Variants in DSCAML1 observed in about 807,000 individuals in gnomAD.
DSCAML1 encodes DS cell adhesion molecule like 1, also known as cell adhesion molecule DSCAML1.
Under a neutral mutation model 200.5 loss-of-function variants are expected in DSCAML1, and 38 were observed. The observed-to-expected ratio is 0.19, with a 90% confidence interval of 0.15 to 0.25. The LOEUF (loss-of-function observed/expected upper bound fraction) is 0.25. DSCAML1 is among the 10% of genes least tolerant of loss of function. The pLI is 1.00. For synonymous variants in DSCAML1, 1,215 were observed against 1,165.0 expected (o/e 1.04, Z -0.87); for missense variants, 2,223 against 2,858.8 (o/e 0.78, Z 5.07).
intron 8 of DSCAML1, among the ~76,000 whole-genome samples, chr11:117,508,265 C>T (rs1404799422): frequency 6.6e-6 from 1 of 152,172 alleles, no homozygotes; most frequent in African/African-American, 2.4e-5. Flanking sequence ...CTTCCTTCCA[C>T]ACAGCCCTGA....
chr11:117,471,139 T>TA (rs1565713738), intron 15 of DSCAML1, among the ~76,000 whole-genome samples: 1 of 152,172 alleles, frequency 6.6e-6, no homozygotes, highest in Non-Finnish European at 1.5e-5. Context: ...TGCTTGTTTA[T>TA]AAAACTGCAC....
chr11:117,587,469 T>A (rs954623421), intron 3 of DSCAML1, among the ~76,000 whole-genome samples: 5 of 152,068 alleles, frequency 3.3e-5, no homozygotes, highest in Admixed American at 6.5e-5. Flanking sequence ...GTGTTCTCTG[T>A]CATCCTGGTC....
intron 8 of DSCAML1, among the ~76,000 whole-genome samples, chr11:117,515,268 G>C (rs1489408695): frequency 6.6e-6 from 1 of 152,150 alleles, no homozygotes. Context: ...GGCTGACTCA[G>C]TACCCAACCC....
chr11:117,592,394 C>CGT (rs1263725738), intron 3 of DSCAML1, among the ~76,000 whole-genome samples: 1 of 151,958 alleles, frequency 6.6e-6, no homozygotes, highest in South Asian at 2.1e-4. Context: ...CATCTGTGTC[C>CGT]GTGTGTGTGT....
chr11:117,458,812 G>A lies in DSCAML1; in HGVS notation c.3510C>T (p.Tyr1170=), dbSNP rs1327427759. The A allele has an allele frequency of 4.3e-6, 7 of 1,613,950 alleles. No individual in the cohort carries two copies. Among genetic ancestry groups the A allele is most frequent in the Middle Eastern group, 1.6e-4 (1 of 6,084 alleles). ...FTNYSVQVLA[Y]TQAGDGVRSS... is the part of the protein sequence containing the mutation. The stretch of plus-strand genomic sequence containing the variant: ...TGCGTACGCCGTCCCCAGCCTGGGT[G>A]TAGGCCAGCACCTGGACGCTGTAGT... Residue 1170 remains tyrosine (Y), a synonymous_variant, in exon 19 of 33, where the codon TAC becomes TAT. Coordinates refer to ENST00000651296, the MANE Select transcript of DSCAML1 (RefSeq NM_020693.4).
chr11:117,812,411 G>T, intron 1 of DSCAML1, among the ~76,000 whole-genome samples: 1 of 151,966 alleles, frequency 6.6e-6, no homozygotes, highest in African/African-American at 2.4e-5. Flanking sequence ...CAGGATCTAT[G>T]CCTTATCAAC....
intron 3 of DSCAML1, among the ~76,000 whole-genome samples, chr11:117,619,764 C>T (rs1016050185): frequency 1.3e-5 from 2 of 152,130 alleles, no homozygotes; most frequent in African/African-American, 2.4e-5. Flanking sequence ...ATAGATACAT[C>T]TTTCTATGCT....
At position 117,458,908 on chromosome 11, in the gene DSCAML1, C is replaced by T. The variant is rs1178035458; in HGVS notation, c.3414G>A (p.Glu1138=). The part of the protein sequence containing the change: ...VIFWSLYVDG[E]WGEMQNITTT... ...TGGTGATGTTCTGCATCTCGCCCCA[C>T]TCTGCCAGAGACCAGCAAACTCTGA... is the stretch of plus-strand genomic sequence containing the variant. The change falls in exon 19 of 33, where the codon GAG becomes GAA. Residue 1138 remains glutamate (E), a splice_region_variant and synonymous_variant. Coordinates refer to ENST00000651296, the MANE Select transcript of DSCAML1 (RefSeq NM_020693.4). 6.2e-7 allele frequency: 1 copy of T among 1,613,048 alleles called. No individual in the cohort carries two copies. Among genetic ancestry groups the T allele is most frequent in the South Asian group, 1.1e-5 (1 of 91,000 alleles).
intron 3 of DSCAML1, among the ~76,000 whole-genome samples, chr11:117,633,570 T>C (rs2052218404): frequency 6.6e-6 from 1 of 152,226 alleles, no homozygotes; most frequent in Non-Finnish European, 1.5e-5. Context: ...GATACTGACA[T>C]TGCAATACCA....
chr11:117,769,501 A>T (rs749870944), intron 3 of DSCAML1, among the ~76,000 whole-genome samples: 628 of 5,622 alleles, frequency 0.11, 51 homozygotes, highest in East Asian at 0.42. Flanking sequence ...TATATATATA[A>T]TATATATTTT....
chr11:117,706,318 C>T (rs1206874564), intron 3 of DSCAML1, among the ~76,000 whole-genome samples: 4 of 152,158 alleles, frequency 2.6e-5, no homozygotes, highest in African/African-American at 7.2e-5. Context: ...TGTTTCCAAT[C>T]GGCCTCTCCT....
At chr11:117,428,846 C>T (rs1592555416) in intron 32 of DSCAML1, 43 bp from the exon 33 acceptor site, 1 of 1,525,770 alleles carries the variant, frequency 6.6e-7, no homozygotes, top group East Asian at 2.4e-5. Context: ...AGTCATAGCC[C>T]TCTGGAAGCA....
intron 1 of DSCAML1, among the ~76,000 whole-genome samples, chr11:117,792,189 T>C (rs2055479551): frequency 6.6e-6 from 1 of 152,188 alleles, no homozygotes; most frequent in Admixed American, 6.5e-5. Context: ...TAGGCCTCCA[T>C]ACCACATCTC....
rs548453276 is a variant in DSCAML1 at position 117,571,422 on chromosome 11, C to T, written c.512-38900G>A. ...CGTGGACTGAGTGAGTGAGGGGCCA[C>T]GCTGGAAGGAGGAGCCCACTCTCTG... On this transcript the variant is annotated intron_variant, in intron 3 of 32. Transcript: ENST00000651296. 2.3e-4 allele frequency among the ~76,000 whole-genome samples: 35 copies of T among 152,248 alleles called. No individual in the cohort carries two copies. The South Asian group carries it at 3.7e-3, about 16-fold the overall frequency.
chr11:117,535,695 C>T (rs1789735346), intron 3 of DSCAML1, among the ~76,000 whole-genome samples: 1 of 152,162 alleles, frequency 6.6e-6, no homozygotes, highest in Non-Finnish European at 1.5e-5. Flanking sequence ...GAATGCAGAA[C>T]TACTGGAGGG....
In DSCAML1 at chr11:117,437,498, G is replaced by C; in HGVS notation, c.4433-89C>G. 2.7e-6 allele frequency: 4 copies of C among 1,476,820 alleles called. No individual in the cohort carries two copies. Among genetic ancestry groups the C allele is most frequent in the Non-Finnish European group, 3.7e-6 (4 of 1,087,956 alleles). The allele number at this position is 1,476,820 out of a possible 1,614,324, so 91.5% of individuals were successfully genotyped here. ...CTGGGCTGGAAAGGATTTCCCTGGG[G>C]CAGCTGGGATGGCAGTGGCTCCAGG... is the stretch of plus-strand genomic sequence containing the variant. On this transcript the variant is annotated intron_variant, in intron 25 of 32. Transcript: ENST00000651296. This position sits in a 1 kb window ranked among gnomAD's most constrained non-coding sequence, Gnocchi z 5.3.
At chr11:117,540,306 T>G (rs1270874095) in intron 3 of DSCAML1, among the ~76,000 whole-genome samples, 2 of 152,176 alleles carry the variant, frequency 1.3e-5, no homozygotes, top group East Asian at 3.9e-4. Flanking sequence ...CGAACCCTAT[T>G]GTGAACTGTG....
chr11:117,648,555 T>C (rs920842494), intron 3 of DSCAML1, among the ~76,000 whole-genome samples: 4 of 152,064 alleles, frequency 2.6e-5, no homozygotes, highest in Admixed American at 6.5e-5. Context: ...GGCTTTGGGG[T>C]CAGACTGACC....
At chr11:117,650,770 G>A (rs2052617165) in intron 3 of DSCAML1, among the ~76,000 whole-genome samples, 1 of 151,904 alleles carries the variant, frequency 6.6e-6, no homozygotes. Flanking sequence ...GATGGTCAGG[G>A]GTGGTTGAGG....
Sources: allele counts gnomAD v4.1 joint callset (sites outside exome capture counted in the v4.1 genomes callset), GRCh38; gene constraint gnomAD v4.1.1; non-coding constraint Gnocchi (gnomAD v3.1); transcripts MANE v1.5; gene names NCBI Gene and HGNC (gene_info 2026-07-23, HGNC 2026-07-21).